The following BCAP29 variants were observed in gnomAD, a reference collection of about 807,000 sequenced individuals.
BCAP29 encodes B cell receptor associated protein 29.
A neutral mutation model predicts 31.8 loss-of-function variants in BCAP29; 34 were observed. The ratio of observed to expected loss-of-function variants is 1.07; its 90% CI spans 0.81 to 1.42. BCAP29 has a LOEUF of 1.42. Ranked by LOEUF, BCAP29 falls within the 40% of genes most tolerant of loss-of-function variation. The probability of loss-of-function intolerance (pLI) is 0.00; values close to 1 mark genes in which losing one functional copy is unlikely to be tolerated. For synonymous variants in BCAP29, 104 were observed against 91.3 expected (o/e 1.14, Z -0.79); for missense variants, 314 against 269.2 (o/e 1.17, Z -1.16).
Position 107,593,956 on chromosome 7 carries a change from T to C in BCAP29, c.195T>C (p.Asp65=), listed in dbSNP as rs1270973755. The C allele has an allele frequency of 1.2e-6, 2 of 1,604,918 alleles. No homozygotes were observed. Among genetic ancestry groups the C allele is most frequent in the South Asian group, 2.2e-5 (2 of 89,220 alleles). The change falls in exon 4 of 8, where the codon GAT becomes GAC. Residue 65 remains aspartate, a splice_region_variant and synonymous_variant. Transcript: ENST00000005259. ...IIILLIVLFL[D]AVREVRKYSS... ...CTGTTTTCTTTTGTTCTGTAATAGA[T>C]GCTGTGAGAGAAGTAAGGAAATATT...
chr7:107,600,655 A>G, intron 6 of BCAP29, 150 bp downstream of exon 6: 1 of 533,864 alleles, frequency 1.9e-6, no homozygotes, highest in Non-Finnish European at 3.3e-6. Flanking sequence ...TCAAATATGA[A>G]GATAAAACAT....
rs1262839031 is a variant in BCAP29, at chr7:107,613,422, C to T, written c.680C>T (p.Ser227Phe). The T allele has an allele frequency of 6.9e-6, 11 of 1,605,048 alleles. No individual in the cohort carries two copies. Among genetic ancestry groups the T allele is most frequent in the Non-Finnish European group, 8.5e-6 (10 of 1,172,444 alleles). Residue 227 changes from serine (S) to phenylalanine (F), a missense_variant, in exon 7 of 8, where the codon TCT becomes TTT. Coordinates refer to ENST00000005259, the MANE Select transcript of BCAP29 (RefSeq NM_018844.4). ...TATGATCAACTCCTGAAAGAACACT[C>T]TGAACTTCAGGTGGGTGTGACATGC... The part of the protein sequence containing the change: ...KEYDQLLKEH[S>F]ELQDRLERGN...
At chr7:107,586,730 T>C (rs1282147555) in intron 3 of BCAP29, among the ~76,000 whole-genome samples, 10 of 138,468 alleles carry the variant, frequency 7.2e-5, no homozygotes, top group African/African-American at 2.7e-4. Flanking sequence ...TATTTATTCT[T>C]TTTTTTTTTT....
At chr7:107,616,801 C>T (rs1031193156) in intron 7 of BCAP29, among the ~76,000 whole-genome samples, 2 of 152,108 alleles carry the variant, frequency 1.3e-5, no homozygotes, top group Admixed American at 6.5e-5. Flanking sequence ...TTCAGTGGCA[C>T]AATCTCAGCT....
chr7:107,594,229 C>A, intron 4 of BCAP29, 124 bp downstream of exon 4: 3 of 891,444 alleles, frequency 3.4e-6, no homozygotes, highest in African/African-American at 1.7e-5. Flanking sequence ...CGCTCTGTTG[C>A]CCAGGCTGCA....
chr7:107,608,201 A>T (rs1260589352), intron 6 of BCAP29, among the ~76,000 whole-genome samples: 1 of 123,986 alleles, frequency 8.1e-6, no homozygotes, highest in Non-Finnish European at 1.7e-5. Flanking sequence ...TGAGTGGATT[A>T]AAAAAAAAAA....
At chr7:107,605,959 GT>G (rs1812010982) in intron 6 of BCAP29, among the ~76,000 whole-genome samples, 1 of 152,104 alleles carries the variant, frequency 6.6e-6, no homozygotes, top group Admixed American at 6.5e-5. Flanking sequence ...TTTTCCTAGA[GT>G]TTAAATTATT....
At chr7:107,621,444 A>G (rs999395423), downstream of BCAP29, 2 of 228,264 alleles carry the variant, frequency 8.8e-6, no homozygotes, top group African/African-American at 4.6e-5. Context: ...AATGATTTCA[A>G]ACACTTTAGG....
intron 3 of BCAP29, among the ~76,000 whole-genome samples, chr7:107,585,399 A>C (rs147927571): frequency 5.8e-4 from 88 of 152,334 alleles, no homozygotes; most frequent in African/African-American, 2.0e-3. Flanking sequence ...ATGGTACATT[A>C]TTAATGTTAT....
chr7:107,606,707 C>A (rs1420261470), intron 6 of BCAP29, among the ~76,000 whole-genome samples: 4 of 152,130 alleles, frequency 2.6e-5, no homozygotes, highest in African/African-American at 9.7e-5. Context: ...TTGTTTAGAA[C>A]ATTTATTAGA....
Position 107,615,374 on chromosome 7 carries a change from G to A in BCAP29, c.690+1942G>A, listed in dbSNP as rs1450822945. Reference sequence around the variant, plus strand: ...TCCCAGCACTTTGGAAGGCTGAGGCGGGCGGATCATGGGAGATCAAGACCA... The same window carrying A: ...TCCCAGCACTTTGGAAGGCTGAGGCAGGCGGATCATGGGAGATCAAGACCA... On this transcript the variant is annotated intron_variant, in intron 7 of 7. Coordinates refer to ENST00000005259, the MANE Select transcript of BCAP29 (RefSeq NM_018844.4). 3.9e-5 allele frequency: 18 copies of A among 455,820 alleles called. No individual in the cohort carries two copies. In the East Asian group the frequency reaches 4.2e-4, roughly 11 times the overall value. 28.2% of individuals were successfully genotyped at this position (455,820 alleles called of 1,614,324 possible).
Position 107,595,854 on chromosome 7 carries a change from T to G in BCAP29, c.345-13T>G, listed in dbSNP as rs750491136. 1.1e-5 allele frequency: 17 copies of G among 1,590,182 alleles called. No homozygotes were observed. The highest frequency in any genetic ancestry group is 2.3e-5 in the East Asian group (1 of 44,122). ...ATTGGCCAGTAATACATTATTCTGG[T>G]TTTTTTTCTTAGAGTTTTGAGACGT... is the stretch of plus-strand genomic sequence containing the variant. On this transcript the variant is annotated splice_polypyrimidine_tract_variant and intron_variant, in intron 4 of 7. Coordinates refer to ENST00000005259, the MANE Select transcript of BCAP29 (RefSeq NM_018844.4).
chr7:107,621,654 A>G, downstream of BCAP29: 1 of 469,542 alleles, frequency 2.1e-6, no homozygotes, highest in Non-Finnish European at 4.4e-6. Flanking sequence ...ATTACCACAC[A>G]GAAGAGGAGA....
intron 6 of BCAP29, chr7:107,603,576 C>T (rs2129266812): frequency 6.7e-6 from 1 of 149,396 alleles, no homozygotes; most frequent in East Asian, 2.0e-4. Context: ...TTCCTGCTTT[C>T]CTTTGTTCCT....
chr7:107,585,479 G>A lies in BCAP29; in HGVS notation c.193+1497G>A, dbSNP rs556660978. Among the ~76,000 whole-genome samples the A allele has an allele frequency of 2.0e-5, 3 of 152,282 alleles. No individual in the cohort carries two copies. The South Asian group carries it at 6.2e-4, about 32-fold the overall frequency. On this transcript the variant is annotated intron_variant, in intron 3 of 7. Transcript: ENST00000005259. ...AGAACAATAAGGAAAACCGGTTCCA[G>A]TTCTGCCACCAGCTAACTAAAGGAC...
At chr7:107,590,591 G>T (rs908095290) in intron 3 of BCAP29, among the ~76,000 whole-genome samples, 1 of 152,108 alleles carries the variant, frequency 6.6e-6, no homozygotes, top group African/African-American at 2.4e-5. Context: ...GCTGAGTTGG[G>T]CAGATTGCTC....
chr7:107,581,805 T>C (rs992983233), intron 2 of BCAP29, among the ~76,000 whole-genome samples: 2 of 152,156 alleles, frequency 1.3e-5, no homozygotes, highest in Non-Finnish European at 1.5e-5. Context: ...CTTCTGTCCT[T>C]CTCTATCAGC....
At chr7:107,621,243 C>T (rs1321271094), downstream of BCAP29, 2 of 164,402 alleles carry the variant, frequency 1.2e-5, no homozygotes, top group African/African-American at 4.8e-5. Flanking sequence ...ACTTTAATGT[C>T]TGGGATGATC....
rs748309783 is a variant in BCAP29, at chr7:107,619,841, A to C, written c.*1478A>C. 4 of 152,232 alleles carry C rather than the reference A, an allele frequency of 2.6e-5. No individual in the cohort carries two copies. Among genetic ancestry groups the C allele is most frequent in the Non-Finnish European group, 5.9e-5 (4 of 68,046 alleles). 9.4% of individuals were successfully genotyped at this position (152,232 alleles called of 1,614,324 possible). On this transcript the variant is annotated 3_prime_UTR_variant, in exon 8 of 8. Transcript: ENST00000005259. ...TGAAAATTAAGTCTAATGTCAGAAT[A>C]ACTTACAGAAAAATAGAAAATGCAC...
Sources: gnomAD v4.1 joint callset for allele counts (sites outside exome capture counted in the v4.1 genomes callset) on GRCh38, gnomAD v4.1.1 for gene constraint, MANE v1.5 for transcripts, NCBI Gene and HGNC (gene_info 2026-07-23, HGNC 2026-07-21) for gene names.